ZFAT: variants seen among roughly 807,000 people sequenced by gnomAD.
The protein encoded by ZFAT is zinc finger and AT-hook domain containing.
Under a neutral mutation model 117.7 loss-of-function variants are expected in ZFAT, and 64 were observed. The observed-to-expected ratio is 0.54, with a 90% CI of 0.44 to 0.67. ZFAT has a LOEUF of 0.67. Ranked by LOEUF, ZFAT falls within the 30% of genes least tolerant of loss-of-function variation. The pLI is 0.00. For synonymous variants in ZFAT, 679 were observed against 615.0 expected (o/e 1.10, Z -1.54); for missense variants, 1,433 against 1,584.5 (o/e 0.90, Z 1.62).
intron 11 of ZFAT, among the ~76,000 whole-genome samples, chr8:134,556,890 A>G (rs1823666300): frequency 6.6e-6 from 1 of 152,124 alleles, no homozygotes; most frequent in African/African-American, 2.4e-5. Context: ...AGGTAAATGT[A>G]TATTTACCCT....
chr8:134,540,602 C>A (rs1364180970), intron 11 of ZFAT, among the ~76,000 whole-genome samples: 11 of 152,202 alleles, frequency 7.2e-5, no homozygotes, highest in Non-Finnish European at 1.0e-4. Context: ...CCCACCTACA[C>A]CACCATGACC....
chr8:134,761,013 A>G, the ZFAT span, among the ~76,000 whole-genome samples: 15 of 152,356 alleles, frequency 9.8e-5, 1 homozygote, highest in South Asian at 3.1e-3. Context: ...ATCACATGTT[A>G]TAGTCTTTCC....
rs1307452577 is a variant in ZFAT at position 134,478,508 on chromosome 8, C to A, written c.3706G>T (p.Val1236Leu). 6.3e-7 allele frequency: 1 copy of A among 1,580,762 alleles called. No homozygotes were observed. Among genetic ancestry groups the A allele is most frequent in the South Asian group, 1.2e-5 (1 of 86,078 alleles). ...EAMQPVEEQA[V>L]EQPAQEL ...TAGAGTTCCTGGGCCGGCTGCTCCA[C>A]AGCCTGCTCCTCCACAGGCTGCATG... is the stretch of plus-strand genomic sequence containing the variant. The change falls in exon 16 of 16, where the codon GTG becomes TTG. Residue 1236 changes from valine (V) to leucine (L), a missense_variant. Physicochemically the swap from Val to Leu is conservative, Grantham distance 32 (BLOSUM62 1). Coordinates refer to ENST00000377838, the MANE Select transcript of ZFAT (RefSeq NM_020863.4). This position sits in a 1 kb window ranked among gnomAD's most constrained non-coding sequence, Gnocchi z 5.2.
At chr8:134,788,999 T>C in the ZFAT span, among the ~76,000 whole-genome samples, 1 of 152,174 alleles carries the variant, frequency 6.6e-6, no homozygotes, top group African/African-American at 2.4e-5. Context: ...GTAGGGAATT[T>C]TCAGCCTGAT....
Position 134,520,962 on chromosome 8 carries a change from G to C in ZFAT, c.3155C>G (p.Thr1052Ser). 2 of 1,613,626 alleles carry C rather than the reference G, an allele frequency of 1.2e-6. No individual in the cohort carries two copies. Among genetic ancestry groups the C allele is most frequent in the Non-Finnish European group, 1.7e-6 (2 of 1,179,764 alleles). ...CAAGTGCCTATTGAACTCCCATTTG[G>C]TGCCATATACAAAGCTGCAAACAGG... ...KCPVCSFVYG[T>S]KWEFNRHLKN... Residue 1052 changes from threonine to serine, a missense_variant, in exon 13 of 16, where the codon ACC becomes AGC. This residue lies in a region of ZFAT where 503 missense variants were observed against 543.4 expected (regional missense o/e 0.93). Coordinates refer to ENST00000377838, the MANE Select transcript of ZFAT (RefSeq NM_020863.4).
At chr8:134,650,189 C>T (rs1455765117) in intron 2 of ZFAT, among the ~76,000 whole-genome samples, 1 of 149,700 alleles carries the variant, frequency 6.7e-6, no homozygotes, top group Non-Finnish European at 1.5e-5. Context: ...GTGGTGCCAT[C>T]TTGGCTCACT....
the ZFAT span, among the ~76,000 whole-genome samples, chr8:134,718,299 G>A: frequency 5.9e-5 from 9 of 152,108 alleles, no homozygotes; most frequent in Admixed American, 3.3e-4. Flanking sequence ...GAGTTCAAGA[G>A]CAGCATGGCC....
chr8:134,695,475 C>G (rs1833782368), intron 1 of ZFAT, among the ~76,000 whole-genome samples: 1 of 151,376 alleles, frequency 6.6e-6, no homozygotes, highest in South Asian at 2.1e-4. Context: ...ATGGCGCCAG[C>G]CCCCAGGCCT....
intron 1 of ZFAT, among the ~76,000 whole-genome samples, chr8:134,683,550 G>A (rs892466505): frequency 8.5e-5 from 13 of 152,210 alleles, no homozygotes; most frequent in Non-Finnish European, 2.9e-5. Flanking sequence ...CTGGAGGAAG[G>A]AAAGGAGAAG....
At chr8:134,581,855 G>T (rs537549203) in intron 10 of ZFAT, among the ~76,000 whole-genome samples, 1 of 152,178 alleles carries the variant, frequency 6.6e-6, no homozygotes, top group African/African-American at 2.4e-5. Flanking sequence ...CTCCCAAAGT[G>T]CTGGGATTAT....
chr8:134,699,551 G>A (rs145978417), intron 1 of ZFAT, among the ~76,000 whole-genome samples: 87 of 152,230 alleles, frequency 5.7e-4, no homozygotes, highest in African/African-American at 1.9e-3. Flanking sequence ...AAGAGCTGAC[G>A]GCCCAGGTGC....
chr8:134,629,724 T>C (rs1434419067), intron 3 of ZFAT, among the ~76,000 whole-genome samples: 1 of 152,240 alleles, frequency 6.6e-6, no homozygotes, highest in Non-Finnish European at 1.5e-5. Context: ...TGATTGTAAG[T>C]TTCCTGAGGC....
the ZFAT span, among the ~76,000 whole-genome samples, chr8:134,824,342 T>C: frequency 6.6e-6 from 1 of 152,206 alleles, no homozygotes; most frequent in African/African-American, 2.4e-5. Context: ...AGAAAAGTCT[T>C]ATCAGTCGTA....
At chr8:134,638,646 G>GGCA (rs1830398771) in intron 2 of ZFAT, among the ~76,000 whole-genome samples, 1 of 151,158 alleles carries the variant, frequency 6.6e-6, no homozygotes, top group African/African-American at 2.4e-5. Flanking sequence ...GGAGAATGGC[G>GGCA]TGAACTGGGA....
intron 8 of ZFAT, among the ~76,000 whole-genome samples, chr8:134,589,786 G>T (rs1485020279): frequency 2.6e-5 from 4 of 152,224 alleles, no homozygotes; most frequent in Non-Finnish European, 4.4e-5. Context: ...GTTCCAGGTG[G>T]CACGAACAGA....
At chr8:134,568,529 CT>C (rs1824645223) in intron 10 of ZFAT, among the ~76,000 whole-genome samples, 1 of 152,212 alleles carries the variant, frequency 6.6e-6, no homozygotes, top group Admixed American at 6.5e-5. Flanking sequence ...GATAAATATT[CT>C]GTCATTCATT....
the ZFAT span, among the ~76,000 whole-genome samples, chr8:134,745,520 G>A: frequency 6.6e-6 from 1 of 152,150 alleles, no homozygotes; most frequent in African/African-American, 2.4e-5. Context: ...ACAGAGAAAG[G>A]GAAAAGAGGA....
chr8:134,775,297 T>A, the ZFAT span, among the ~76,000 whole-genome samples: 1 of 152,242 alleles, frequency 6.6e-6, no homozygotes, highest in Non-Finnish European at 1.5e-5. Flanking sequence ...ATATTACAAT[T>A]GAAAATTTAT....
At chr8:134,731,563 C>CA in the ZFAT span, among the ~76,000 whole-genome samples, 48 of 152,190 alleles carry the variant, frequency 3.2e-4, no homozygotes, top group African/African-American at 1.0e-3. Flanking sequence ...GGCTGTGTTT[C>CA]AAAAAAACCT....
Sources: allele counts gnomAD v4.1 joint callset (sites outside exome capture counted in the v4.1 genomes callset), GRCh38; gene constraint gnomAD v4.1.1; regional missense constraint gnomAD v4.1.1; non-coding constraint Gnocchi (gnomAD v3.1); transcripts MANE v1.5; gene names NCBI Gene and HGNC (gene_info 2026-07-23, HGNC 2026-07-21).